The following OR10H5 variants were observed in gnomAD, a reference collection of about 807,000 sequenced individuals.
OR10H5 encodes olfactory receptor family 10 subfamily H member 5.
Under a neutral mutation model 12.2 loss-of-function variants are expected in OR10H5, and 7 were observed. The ratio of observed to expected loss-of-function variants is 0.57; its 90% CI spans 0.33 to 1.07. The LOEUF (loss-of-function observed/expected upper bound fraction) is 1.07, where lower values mean the gene tolerates loss of function less well. Ranked by LOEUF, OR10H5 falls within the 50% of genes least tolerant of loss-of-function variation. The probability of loss-of-function intolerance (pLI) is 0.04; values close to 1 mark genes in which losing one functional copy is unlikely to be tolerated. For synonymous variants in OR10H5, 159 were observed against 175.1 expected (o/e 0.91, Z 0.73); for missense variants, 346 against 411.6 (o/e 0.84, Z 1.38).
At position 15,796,669 on chromosome 19, in the gene OR10H5, T is replaced by C. The variant is rs1302595350; in HGVS notation, c.*1673T>C. 1.3e-5 allele frequency: 2 copies of C among 151,978 alleles called. No homozygotes were observed. The highest frequency in any genetic ancestry group is 2.9e-5 in the Non-Finnish European group (2 of 68,018). The allele number at this position is 151,978 out of a possible 1,614,324, so 9.4% of individuals were successfully genotyped here. Reference sequence around the variant, plus strand: ...TACTCAAGAGGCTGAGGTGGGAGGATCACTTGAGCCCAGGAGGTTGAGGCT... The same window carrying C: ...TACTCAAGAGGCTGAGGTGGGAGGACCACTTGAGCCCAGGAGGTTGAGGCT... On this transcript the variant is annotated 3_prime_UTR_variant, in exon 2 of 2. Transcript: ENST00000642092.
chr19:15,791,811 G>A (rs2088810668), intron 1 of OR10H5, among the ~76,000 whole-genome samples: 1 of 151,718 alleles, frequency 6.6e-6, no homozygotes, highest in African/African-American at 2.4e-5. Flanking sequence ...TCCTGCCTCA[G>A]CCTCCCGAGT....
In OR10H5 at chr19:15,795,010, C is replaced by T; in HGVS notation, c.*14C>T. ...CAGAACTGCTGAAATGGCTGACTTT[C>T]TCTCAAGAGATGTAGCGAATGGGAA... On this transcript the variant is annotated 3_prime_UTR_variant, in exon 2 of 2. Coordinates refer to ENST00000642092, the MANE Select transcript of OR10H5 (RefSeq NM_001004466.2). 6.2e-7 allele frequency: 1 copy of T among 1,610,286 alleles called. No homozygotes were observed. Among genetic ancestry groups the T allele is most frequent in the Non-Finnish European group, 8.5e-7 (1 of 1,177,548 alleles).
intron 1 of OR10H5, among the ~76,000 whole-genome samples, chr19:15,792,924 C>T (rs2088815659): frequency 6.6e-6 from 1 of 151,964 alleles, no homozygotes; most frequent in Admixed American, 6.6e-5. Context: ...AAGGGACCAA[C>T]CCACGGTCCC....
In OR10H5 at chr19:15,797,652, C is replaced by T. The variant is rs931583113; in HGVS notation, c.*2656C>T. On this transcript the variant is annotated 3_prime_UTR_variant, in exon 2 of 2. Transcript: ENST00000642092. ...ATATTCTAGACCCTGAGGGCCAGGT[C>T]AGGGTGAGGTGAGGGAGACACCTCA... is the stretch of plus-strand genomic sequence containing the variant. The T allele has an allele frequency of 4.6e-5, 7 of 152,092 alleles. No homozygotes were observed. Among genetic ancestry groups the T allele is most frequent in the Admixed American group, 1.3e-4 (2 of 15,256 alleles). The allele number at this position is 152,092 out of a possible 1,614,324, so 9.4% of individuals were successfully genotyped here.
In OR10H5 at chr19:15,795,074, C is replaced by T. The variant is rs2088833013; in HGVS notation, c.*78C>T. The T allele has an allele frequency of 8.0e-7, 1 of 1,257,330 alleles. No homozygotes were observed. Among genetic ancestry groups the T allele is most frequent in the Admixed American group, 2.3e-5 (1 of 43,220 alleles). The allele number at this position is 1,257,330 out of a possible 1,614,324, so 77.9% of individuals were successfully genotyped here. On this transcript the variant is annotated 3_prime_UTR_variant, in exon 2 of 2. Coordinates refer to ENST00000642092, the MANE Select transcript of OR10H5 (RefSeq NM_001004466.2). ...CTCCTTTATTTCTTTTCCTTTCCTC[C>T]CTCCCTCCTTTCCTCCCTCCCTCCC...
At chr19:15,789,490 G>A (rs2088799243) in intron 1 of OR10H5, among the ~76,000 whole-genome samples, 1 of 152,144 alleles carries the variant, frequency 6.6e-6, no homozygotes. Flanking sequence ...CACCAGCCTG[G>A]GATTCTGTGT....
chr19:15,789,846 A>ATC, intron 1 of OR10H5, among the ~76,000 whole-genome samples: 2 of 147,822 alleles, frequency 1.4e-5, no homozygotes, highest in African/African-American at 2.5e-5. Context: ...TAGTGGCATG[A>ATC]ACATGGCTCA....
chr19:15,793,359 G>T (rs71334791), intron 1 of OR10H5, among the ~76,000 whole-genome samples: 4 of 152,094 alleles, frequency 2.6e-5, no homozygotes, highest in Non-Finnish European at 5.9e-5. Context: ...GGGCTCAAGT[G>T]ATCCTTCTGC....
At chr19:15,791,319 C>T (rs2088808202) in intron 1 of OR10H5, among the ~76,000 whole-genome samples, 1 of 152,124 alleles carries the variant, frequency 6.6e-6, no homozygotes, top group African/African-American at 2.4e-5. Flanking sequence ...GCACTCCAGC[C>T]TGGGCAATGA....
chr19:15,791,697 T>TA (rs201846627), intron 1 of OR10H5, among the ~76,000 whole-genome samples: 1,200 of 107,640 alleles, frequency 0.011, 19 homozygotes, highest in African/African-American at 0.032. Flanking sequence ...TTATTATTAT[T>TA]TTTTTTTTTT....
rs1339709593 is a variant in OR10H5 at position 15,798,547 on chromosome 19, G to A, written c.*3551G>A. The A allele has an allele frequency of 1.3e-5, 2 of 152,194 alleles. No individual in the cohort carries two copies. The highest frequency in any genetic ancestry group is 4.8e-5 in the African/African-American group (2 of 41,422). The allele number at this position is 152,194 out of a possible 1,614,324, so 9.4% of individuals were successfully genotyped here. On this transcript the variant is annotated 3_prime_UTR_variant, in exon 2 of 2. Transcript: ENST00000642092. ...TGCTCCCTGAGTTCCTTGGAGCCCA[G>A]TGTTGTAGTCCTAATTGCTAGAGAC...
chr19:15,791,048 CA>C (rs1183295749), intron 1 of OR10H5, among the ~76,000 whole-genome samples: 1 of 151,920 alleles, frequency 6.6e-6, no homozygotes, highest in Non-Finnish European at 1.5e-5. Flanking sequence ...CTAAAAGATA[CA>C]AAATTACAAA....
chr19:15,788,295 C>G (rs1368416975), intron 1 of OR10H5, among the ~76,000 whole-genome samples: 2 of 152,130 alleles, frequency 1.3e-5, no homozygotes, highest in African/African-American at 4.8e-5. Flanking sequence ...GCTACTCTCC[C>G]TCTGAAGATT....
rs769101172 is a variant in OR10H5, at chr19:15,794,760, G to A, written c.712G>A (p.Ala238Thr). 6.2e-7 allele frequency: 1 copy of A among 1,613,412 alleles called. No homozygotes were observed. Among genetic ancestry groups the A allele is most frequent in the East Asian group, 2.2e-5 (1 of 44,848 alleles). ...KIPSAEGRNK[A>T]FSTCASHLTV... is the part of the protein sequence containing the mutation. ...CCCTTCTGCTGAAGGTCGGAACAAG[G>A]CCTTCTCCACCTGTGCCTCTCACCT... The change falls in exon 2 of 2, where the codon GCC becomes ACC. Residue 238 changes from alanine (A) to threonine (T), a missense_variant. Transcript: ENST00000642092.
At chr19:15,788,327 C>A (rs1286722080) in intron 1 of OR10H5, among the ~76,000 whole-genome samples, 1 of 152,120 alleles carries the variant, frequency 6.6e-6, no homozygotes, top group East Asian at 1.9e-4. Context: ...GATGCCTTGC[C>A]TCTTCCAGCT....
In OR10H5 at chr19:15,799,287, T is replaced by G. The variant is rs971888523; in HGVS notation, c.*4291T>G. The G allele has an allele frequency of 1.3e-5, 2 of 152,146 alleles. No homozygotes were observed. Among genetic ancestry groups the G allele is most frequent in the African/African-American group, 4.8e-5 (2 of 41,412 alleles). 9.4% of individuals were successfully genotyped at this position (152,146 alleles called of 1,614,324 possible). Reference sequence around the variant, plus strand: ...GAACCTTGCATCTACTCTTTTTTTTTTCTTCAGAGATTGGGGCATGAAATC... The same window carrying G: ...GAACCTTGCATCTACTCTTTTTTTTGTCTTCAGAGATTGGGGCATGAAATC... On this transcript the variant is annotated 3_prime_UTR_variant, in exon 2 of 2. Transcript: ENST00000642092.
intron 1 of OR10H5, among the ~76,000 whole-genome samples, chr19:15,792,922 A>T (rs1480553425): frequency 4.6e-5 from 7 of 152,188 alleles, no homozygotes; most frequent in Non-Finnish European, 1.0e-4. Flanking sequence ...TCAAGGGACC[A>T]ACCCACGGTC....
rs1460574926 is a variant in OR10H5 at position 15,799,749 on chromosome 19, C to A, written c.*4753C>A. The A allele has an allele frequency of 2.0e-5, 3 of 150,716 alleles. No individual in the cohort carries two copies. The highest frequency in any genetic ancestry group is 4.4e-5 in the Non-Finnish European group (3 of 67,870). 9.3% of individuals were successfully genotyped at this position (150,716 alleles called of 1,614,324 possible). A position where few individuals can be genotyped will look rare whatever the true frequency, so the allele number is the denominator to read the frequency against. On this transcript the variant is annotated 3_prime_UTR_variant, in exon 2 of 2. Transcript: ENST00000642092. ...AGAGAAATAAGATCTCACTCTGTCA[C>A]CCATGCTGGAGTGCAGTGGCATGAT... is the stretch of plus-strand genomic sequence containing the variant.
chr19:15,788,736 C>A (rs537060027), intron 1 of OR10H5, among the ~76,000 whole-genome samples: 2 of 152,162 alleles, frequency 1.3e-5, no homozygotes, highest in South Asian at 4.2e-4. Context: ...CAATCCCCCG[C>A]CCCACCCACC....
Sources: allele counts gnomAD v4.1 joint callset (sites outside exome capture counted in the v4.1 genomes callset), GRCh38; gene constraint gnomAD v4.1.1; transcripts MANE v1.5; gene names NCBI Gene and HGNC (gene_info 2026-07-23, HGNC 2026-07-21).